Variants in VEPH1 observed in about 807,000 individuals in gnomAD.
VEPH1 encodes ventricular zone-expressed PH domain-containing protein homolog 1.
A neutral mutation model predicts 85.2 loss-of-function variants in VEPH1; 80 were observed. The observed-to-expected ratio is 0.94, with a 90% CI of 0.78 to 1.13. VEPH1 has a LOEUF of 1.13. VEPH1 is among the 50% of genes most tolerant of loss of function. The pLI is 0.00. For missense variants in VEPH1, 955 were observed against 980.5 expected (o/e 0.97, Z 0.35); for synonymous variants, 297 against 348.0 (o/e 0.85, Z 1.63).
intron 9 of VEPH1, among the ~76,000 whole-genome samples, chr3:157,344,783 C>G (rs115134040): frequency 5.3e-5 from 8 of 152,204 alleles, no homozygotes; most frequent in African/African-American, 1.9e-4. Flanking sequence ...CAATACTACA[C>G]GGCTACAATA....
At chr3:157,369,464 A>G (rs995885066) in intron 7 of VEPH1, among the ~76,000 whole-genome samples, 1 of 152,192 alleles carries the variant, frequency 6.6e-6, no homozygotes. Context: ...CTTCTGCACA[A>G]TCTCCCTTGG....
intron 2 of VEPH1, among the ~76,000 whole-genome samples, chr3:157,484,164 G>A (rs1182249266): frequency 1.3e-5 from 2 of 152,166 alleles, no homozygotes; most frequent in African/African-American, 4.8e-5. Flanking sequence ...AGAAACTACT[G>A]AGAAATGAAA....
intron 6 of VEPH1, among the ~76,000 whole-genome samples, chr3:157,397,866 G>T (rs557076460): frequency 6.6e-6 from 1 of 152,176 alleles, no homozygotes; most frequent in Admixed American, 6.5e-5. Context: ...CACATGCATT[G>T]CTTGAAGTTC....
Position 157,313,636 on chromosome 3 carries a change from C to T in VEPH1, c.1995G>A (p.Thr665=). 6.2e-7 allele frequency: 1 copy of T among 1,614,062 alleles called. No individual in the cohort carries two copies. The highest frequency in any genetic ancestry group is 8.5e-7 in the Non-Finnish European group (1 of 1,179,984). Residue 665 remains threonine, a synonymous_variant, in exon 11 of 14, where the codon ACG becomes ACA. Coordinates refer to ENST00000362010, the MANE Select transcript of VEPH1 (RefSeq NM_001167912.2). ...GAATATTTACCTTCTGCTGTGGAAA[C>T]GTGGACTCCATCATGGCAGTTTCAA... ...HSFETAMMES[T]FPQQKDLDQV...
chr3:157,375,123 T>C (rs1225096724), intron 7 of VEPH1, among the ~76,000 whole-genome samples: 1 of 152,224 alleles, frequency 6.6e-6, no homozygotes, highest in East Asian at 1.9e-4. Flanking sequence ...CCGATGCATA[T>C]GAAAAGACTT....
At chr3:157,369,191 A>AAAAAAAAAAAAAAAAAAAAAAC (rs1577469463) in intron 7 of VEPH1, among the ~76,000 whole-genome samples, 3 of 145,086 alleles carry the variant, frequency 2.1e-5, no homozygotes, top group Non-Finnish European at 4.5e-5. Flanking sequence ...AAAAAAAAAA[A>AAAAAAAAAAAAAAAAAAAAAAC]AAAAAAAAAA....
chr3:157,366,763 C>G (rs1321571359), intron 7 of VEPH1, among the ~76,000 whole-genome samples: 3 of 151,910 alleles, frequency 2.0e-5, no homozygotes, highest in Non-Finnish European at 4.4e-5. Context: ...ACAACAAAAA[C>G]AAACAACAAC....
intron 5 of VEPH1, among the ~76,000 whole-genome samples, chr3:157,427,382 T>A (rs1446904460): frequency 6.6e-6 from 1 of 151,830 alleles, no homozygotes; most frequent in Non-Finnish European, 1.5e-5. Flanking sequence ...CCTCCCAAAG[T>A]GCTGGCATTA....
chr3:157,270,174 G>A (rs144704391), intron 12 of VEPH1, among the ~76,000 whole-genome samples: 249 of 152,148 alleles, frequency 1.6e-3, no homozygotes, highest in Non-Finnish European at 2.6e-3. Flanking sequence ...GGGGTGCAGA[G>A]GTGGGAGGAT....
In VEPH1 at chr3:157,272,424, TTTCTTTC is replaced by T. The variant is rs1714807062; in HGVS notation, c.2129-6769_2129-6763del. On this transcript the variant is annotated intron_variant, in intron 12 of 13. Coordinates refer to ENST00000362010, the MANE Select transcript of VEPH1 (RefSeq NM_001167912.2). ...CTTTCTTTCTTTCTTTCTTTCTTTC[TTTCTTTC>T]TTTCTTTCCTTCTCTCTCTCTCTTT... Among the ~76,000 whole-genome samples the T allele has an allele frequency of 3.4e-5, 5 of 148,020 alleles. No individual in the cohort carries two copies. In the East Asian group the frequency reaches 7.9e-4, roughly 23 times the overall value.
chr3:157,460,837 G>A (rs1735797781), intron 3 of VEPH1, among the ~76,000 whole-genome samples: 2 of 152,104 alleles, frequency 1.3e-5, no homozygotes, highest in African/African-American at 2.4e-5. Context: ...TGTGGTATGT[G>A]TGAGAAAACT....
intron 11 of VEPH1, among the ~76,000 whole-genome samples, chr3:157,313,105 C>T (rs572193510): frequency 4.8e-4 from 73 of 151,606 alleles, no homozygotes; most frequent in African/African-American, 1.7e-3. Flanking sequence ...GGGGTTTCAC[C>T]GTGTTAGCCA....
intron 7 of VEPH1, among the ~76,000 whole-genome samples, chr3:157,375,532 G>T (rs1392202594): frequency 6.6e-6 from 1 of 152,120 alleles, no homozygotes; most frequent in African/African-American, 2.4e-5. Flanking sequence ...ATGTCTCTTT[G>T]CTGTACTCCA....
intron 9 of VEPH1, among the ~76,000 whole-genome samples, chr3:157,336,937 A>G (rs916493509): frequency 2.6e-5 from 4 of 152,206 alleles, no homozygotes; most frequent in African/African-American, 9.7e-5. Flanking sequence ...GGACTTTTAT[A>G]TGGGAAGTTT....
At chr3:157,408,545 C>T (rs1175733291) in intron 6 of VEPH1, among the ~76,000 whole-genome samples, 2 of 152,058 alleles carry the variant, frequency 1.3e-5, no homozygotes, top group Admixed American at 6.6e-5. Context: ...ATATTTATTT[C>T]CCCTGGAAGC....
chr3:157,365,144 G>A (rs1026492720), intron 7 of VEPH1, among the ~76,000 whole-genome samples: 1 of 152,100 alleles, frequency 6.6e-6, no homozygotes, highest in East Asian at 1.9e-4. Flanking sequence ...GTATAATTTT[G>A]GATTTCCTCT....
chr3:157,470,312 A>T lies in VEPH1; in HGVS notation c.354+2T>A, dbSNP rs974307107. ...ATAGCCTGATGTTGAACACTGACAT[A>T]CCTGTAAAATGCAACTCATGATATC... On this transcript the variant is annotated splice_donor_variant, in intron 3 of 13. Transcript: ENST00000362010. LOFTEE classifies it high-confidence loss of function. 6.2e-7 allele frequency: 1 copy of T among 1,613,900 alleles called. No individual in the cohort carries two copies. The highest frequency in any genetic ancestry group is 8.5e-7 in the Non-Finnish European group (1 of 1,179,894).
At chr3:157,366,871 C>T (rs1203367441) in intron 7 of VEPH1, among the ~76,000 whole-genome samples, 1 of 152,130 alleles carries the variant, frequency 6.6e-6, no homozygotes, top group East Asian at 1.9e-4. Context: ...CCTATATCTG[C>T]GGTGGACACT....
At chr3:157,459,962 C>T (rs1027162809) in intron 4 of VEPH1, 2 of 1,537,416 alleles carry the variant, frequency 1.3e-6, no homozygotes, top group Non-Finnish European at 1.7e-6. Flanking sequence ...GCTTACAATT[C>T]TTTTAATGAG....
Sources: gnomAD v4.1 joint callset for allele counts (sites outside exome capture counted in the v4.1 genomes callset) on GRCh38, gnomAD v4.1.1 for gene constraint, MANE v1.5 for transcripts, NCBI Gene and HGNC (gene_info 2026-07-23, HGNC 2026-07-21) for gene names.